KCNH7: variants seen among roughly 807,000 people sequenced by gnomAD.
KCNH7 encodes the protein voltage-gated inwardly rectifying potassium channel KCNH7.
KCNH7 carries 49 observed loss-of-function variants against 120.8 expected under a neutral mutation model. That is an observed-to-expected ratio of 0.41 (90% CI 0.32 to 0.51). The LOEUF (loss-of-function observed/expected upper bound fraction) is 0.51. KCNH7 is among the 20% of genes least tolerant of loss of function. The probability of loss-of-function intolerance (pLI) is 0.38; values close to 1 mark genes in which losing one functional copy is unlikely to be tolerated. For synonymous variants in KCNH7, 547 were observed against 516.1 expected (o/e 1.06, Z -0.81); for missense variants, 1,097 against 1,446.6 (o/e 0.76, Z 3.92).
chr2:162,795,234 AT>A (rs1479349853), intron 2 of KCNH7, among the ~76,000 whole-genome samples: 1 of 152,054 alleles, frequency 6.6e-6, no homozygotes, highest in Non-Finnish European at 1.5e-5. Context: ...CTTTTTTATC[AT>A]TACCAAATTC....
intron 2 of KCNH7, among the ~76,000 whole-genome samples, chr2:162,539,972 G>A (rs980749831): frequency 2.0e-5 from 3 of 151,956 alleles, no homozygotes; most frequent in African/African-American, 7.3e-5. Flanking sequence ...ATACTACTTT[G>A]GTCAAGTGAC....
chr2:162,709,824 T>A (rs1421070779), intron 2 of KCNH7, among the ~76,000 whole-genome samples: 2 of 152,158 alleles, frequency 1.3e-5, no homozygotes, highest in African/African-American at 4.8e-5. Context: ...GAAATACCTT[T>A]CCTCCCTGAA....
chr2:162,438,133 C>A (rs1011124849), intron 7 of KCNH7, among the ~76,000 whole-genome samples: 8 of 152,132 alleles, frequency 5.3e-5, no homozygotes, highest in South Asian at 2.1e-4. Flanking sequence ...AATAAAAATT[C>A]TCCAAATAGT....
intron 2 of KCNH7, among the ~76,000 whole-genome samples, chr2:162,584,698 C>T (rs551840948): frequency 6.6e-6 from 1 of 152,018 alleles, no homozygotes; most frequent in Non-Finnish European, 1.5e-5. Context: ...CAAGTTTACA[C>T]AGCATTAGAG....
rs184014408 is a variant in KCNH7, at chr2:162,437,331, G to C, written c.1555-1734C>G. 5.3e-4 allele frequency among the ~76,000 whole-genome samples: 81 copies of C among 152,232 alleles called. 1 individual carries two copies. In the South Asian group the frequency reaches 9.1e-3, roughly 17 times the overall value. On this transcript the variant is annotated intron_variant, in intron 7 of 15. Transcript: ENST00000332142. ...CATTTGGGGATGTTTAGAGAGGTGAGTCTTCTCTGTCTCCAGTACTGAGTT... is the reference window on the plus strand; with the variant it reads ...CATTTGGGGATGTTTAGAGAGGTGACTCTTCTCTGTCTCCAGTACTGAGTT...
intron 2 of KCNH7, among the ~76,000 whole-genome samples, chr2:162,778,946 CTT>C (rs200107249): frequency 1.4e-4 from 19 of 136,416 alleles, no homozygotes; most frequent in Admixed American, 1.5e-4. Context: ...GGAACAAATT[CTT>C]TTTTTTTTTT....
chr2:162,612,197 G>A (rs1023252325), intron 2 of KCNH7, among the ~76,000 whole-genome samples: 6 of 152,092 alleles, frequency 3.9e-5, no homozygotes, highest in Non-Finnish European at 8.8e-5. Flanking sequence ...AAATACAGAA[G>A]GAAAGGTGAT....
intron 2 of KCNH7, among the ~76,000 whole-genome samples, chr2:162,703,706 TTAAC>T (rs1368806226): frequency 6.6e-6 from 1 of 152,136 alleles, no homozygotes; most frequent in Non-Finnish European, 1.5e-5. Flanking sequence ...AACTTAAAAT[TTAAC>T]TACTTCACAA....
At chr2:162,474,511 G>C (rs1159981250) in intron 6 of KCNH7, among the ~76,000 whole-genome samples, 1 of 152,180 alleles carries the variant, frequency 6.6e-6, no homozygotes, top group Non-Finnish European at 1.5e-5. Flanking sequence ...CTGCCTCCTG[G>C]TATTCATGTC....
At chr2:162,704,575 G>T (rs536152662) in intron 2 of KCNH7, among the ~76,000 whole-genome samples, 138 of 152,226 alleles carry the variant, frequency 9.1e-4, no homozygotes, top group African/African-American at 3.0e-3. Flanking sequence ...TAAATATGTG[G>T]TTCAAAAATC....
chr2:162,800,913 G>T (rs1043070337), intron 2 of KCNH7, among the ~76,000 whole-genome samples: 1 of 151,754 alleles, frequency 6.6e-6, no homozygotes, highest in African/African-American at 2.4e-5. Context: ...GTAGTATTTA[G>T]AAAAACAGAC....
intron 2 of KCNH7, among the ~76,000 whole-genome samples, chr2:162,577,501 A>C (rs1693728560): frequency 6.6e-6 from 1 of 151,962 alleles, no homozygotes; most frequent in Non-Finnish European, 1.5e-5. Context: ...CTGGCCTTTA[A>C]TTGAGAAAAT....
Position 162,371,647 on chromosome 2 carries a change from T to C in KCNH7, c.*182A>G. 1.3e-6 allele frequency: 1 copy of C among 766,740 alleles called. No homozygotes were observed. 47.5% of individuals were successfully genotyped at this position (766,740 alleles called of 1,614,324 possible). On this transcript the variant is annotated 3_prime_UTR_variant, in exon 16 of 16. Coordinates refer to ENST00000332142, the MANE Select transcript of KCNH7 (RefSeq NM_033272.4). ...ACATTTGGAACCAAAAGTTCTTATGTATATTTACATCCTAACTGCTCAGTT... is the reference window on the plus strand; with the variant it reads ...ACATTTGGAACCAAAAGTTCTTATGCATATTTACATCCTAACTGCTCAGTT...
chr2:162,623,393 C>G (rs184001757), intron 2 of KCNH7, among the ~76,000 whole-genome samples: 1 of 152,284 alleles, frequency 6.6e-6, no homozygotes, highest in Non-Finnish European at 1.5e-5. Context: ...TTTCACCTAA[C>G]AGTAATAATT....
intron 6 of KCNH7, among the ~76,000 whole-genome samples, chr2:162,493,196 C>T (rs1427759320): frequency 6.6e-6 from 1 of 151,994 alleles, no homozygotes; most frequent in African/African-American, 2.4e-5. Flanking sequence ...ACCCTGAGTC[C>T]AGTAATTTCA....
intron 2 of KCNH7, among the ~76,000 whole-genome samples, chr2:162,550,925 C>T (rs1692648917): frequency 6.6e-6 from 1 of 150,808 alleles, no homozygotes; most frequent in Non-Finnish European, 1.5e-5. Flanking sequence ...TAAGGCACTA[C>T]ATTTTTCTCT....
chr2:162,633,586 A>G (rs1683840486), intron 2 of KCNH7, among the ~76,000 whole-genome samples: 1 of 151,984 alleles, frequency 6.6e-6, no homozygotes, highest in South Asian at 2.1e-4. Flanking sequence ...GTCATTTTAT[A>G]TAAACCCTTA....
rs557848320 is a variant in KCNH7 at position 162,576,657 on chromosome 2, G to T, written c.308-39577C>A. Among the ~76,000 whole-genome samples the T allele has an allele frequency of 4.3e-3, 650 of 150,924 alleles. 13 individuals are homozygous for T. Among genetic ancestry groups the T allele is most frequent in the African/African-American group, 0.014 (582 of 41,058 alleles). ...TTTCTAGTGTTTTGGGTTTTTTGGG[G>T]TTTTTTTTTCCTGTTTACAAGAGGG... On this transcript the variant is annotated intron_variant, in intron 2 of 15. Coordinates refer to ENST00000332142, the MANE Select transcript of KCNH7 (RefSeq NM_033272.4).
chr2:162,625,987 C>A (rs1262046738), intron 2 of KCNH7, among the ~76,000 whole-genome samples: 1 of 152,042 alleles, frequency 6.6e-6, no homozygotes, highest in East Asian at 1.9e-4. Flanking sequence ...TGTGATATTG[C>A]CACAGAGCTA....
Sources: gnomAD v4.1 joint callset for allele counts (sites outside exome capture counted in the v4.1 genomes callset) on GRCh38, gnomAD v4.1.1 for gene constraint, MANE v1.5 for transcripts, NCBI Gene and HGNC (gene_info 2026-07-23, HGNC 2026-07-21) for gene names.